Variants in STAC observed in about 807,000 individuals in gnomAD.
STAC encodes the protein SH3 and cysteine-rich domain-containing protein.
STAC carries 43 observed loss-of-function variants against 48.8 expected under a neutral mutation model. The observed-to-expected ratio is 0.88, with a 90% CI of 0.69 to 1.14. The LOEUF (loss-of-function observed/expected upper bound fraction) is 1.14, where lower values mean the gene tolerates loss of function less well. STAC is among the 50% of genes most tolerant of loss of function. The probability of loss-of-function intolerance (pLI) is 0.00; values close to 1 mark genes in which losing one functional copy is unlikely to be tolerated. For synonymous variants in STAC, 193 were observed against 179.5 expected, an observed-to-expected ratio of 1.07 and a Z score of -0.60; for missense variants, 497 against 504.0, an observed-to-expected ratio of 0.99 and a Z score of 0.13.
chr3:36,434,576 T>G (rs779871334), intron 1 of STAC, among the ~76,000 whole-genome samples: 1 of 152,226 alleles, frequency 6.6e-6, no homozygotes, highest in Non-Finnish European at 1.5e-5. Context: ...TATGGTTAAA[T>G]GTCAACGGGC....
chr3:36,420,902 G>A (rs909068307), intron 1 of STAC, among the ~76,000 whole-genome samples: 1 of 152,090 alleles, frequency 6.6e-6, no homozygotes, highest in African/African-American at 2.4e-5. Flanking sequence ...ATTATTCCAA[G>A]CACAAGTATT....
chr3:36,468,704 A>G (rs1697242245), intron 2 of STAC, among the ~76,000 whole-genome samples: 1 of 147,646 alleles, frequency 6.8e-6, no homozygotes, highest in Non-Finnish European at 1.5e-5. Flanking sequence ...TTTTATCATT[A>G]TATATATAAA....
At chr3:36,538,750 A>G (rs1699256369) in intron 10 of STAC, among the ~76,000 whole-genome samples, 1 of 152,206 alleles carries the variant, frequency 6.6e-6, no homozygotes, top group African/African-American at 2.4e-5. Flanking sequence ...ATGGTTAAAG[A>G]GGCTTACATT....
In STAC at chr3:36,398,320, C is replaced by CAAGAAAGAAAGAAAGCAAGA. The variant is rs1699898808; in HGVS notation, c.111+17581_111+17582insCAAGAAAGAAAGAAAGAAAG. The stretch of plus-strand genomic sequence containing the variant: ...AAAAGAAAGAAAGAAAGAAAGAAAG[C>CAAGAAAGAAAGAAAGCAAGA]AAGAAAGAAAGAAAGAAAGAAAGAA... On this transcript the variant is annotated intron_variant, in intron 1 of 10. Transcript: ENST00000273183. Among the ~76,000 whole-genome samples the CAAGAAAGAAAGAAAGCAAGA allele has an allele frequency of 1.6e-3, 129 of 82,222 alleles. 2 individuals are homozygous for CAAGAAAGAAAGAAAGCAAGA. The highest frequency in any genetic ancestry group is 5.9e-3 in the African/African-American group (124 of 20,974). 53.9% of individuals were successfully genotyped at this position (82,222 alleles called of 152,430 possible).
At position 36,545,520 on chromosome 3, in the gene STAC, CACA is replaced by C. The variant is rs1419597935; in HGVS notation, c.1111-666_1111-664del. Among the ~76,000 whole-genome samples the C allele has an allele frequency of 3.3e-5, 5 of 152,226 alleles. No homozygotes were observed. The South Asian group carries it at 1.0e-3, about 31-fold the overall frequency. Reference sequence around the variant, plus strand: ...CAGGTGAGGCAAGAGAAACTCACAACACAACAATAGTTCTGTTCATAAACCTCT... The same window carrying C: ...CAGGTGAGGCAAGAGAAACTCACAACACAATAGTTCTGTTCATAAACCTCT... On this transcript the variant is annotated intron_variant, in intron 10 of 10. Coordinates refer to ENST00000273183, the MANE Select transcript of STAC (RefSeq NM_003149.3).
intron 2 of STAC, among the ~76,000 whole-genome samples, chr3:36,481,538 G>C (rs1050960786): frequency 1.3e-5 from 2 of 152,014 alleles, no homozygotes; most frequent in Non-Finnish European, 2.9e-5. Flanking sequence ...TGTACAGTGG[G>C]GTATCTTGAC....
At chr3:36,474,716 TA>T (rs1336278980) in intron 2 of STAC, among the ~76,000 whole-genome samples, 8 of 152,242 alleles carry the variant, frequency 5.3e-5, no homozygotes, top group South Asian at 2.1e-4. Flanking sequence ...CAGTGAATTA[TA>T]TACCCATCCC....
At chr3:36,416,885 C>A (rs1700331949) in intron 1 of STAC, among the ~76,000 whole-genome samples, 1 of 152,180 alleles carries the variant, frequency 6.6e-6, no homozygotes, top group Non-Finnish European at 1.5e-5. Context: ...CACCAAAGAG[C>A]AGGCTTCCTC....
chr3:36,482,893 G>C, intron 2 of STAC, 99 bp from the exon 3 acceptor site: 1 of 747,332 alleles, frequency 1.3e-6, no homozygotes, highest in Non-Finnish European at 2.2e-6. Flanking sequence ...AAAGTTGTAG[G>C]AAAGAATTAC....
chr3:36,520,571 G>A (rs925363708), intron 8 of STAC, among the ~76,000 whole-genome samples: 7 of 152,144 alleles, frequency 4.6e-5, no homozygotes, highest in Admixed American at 2.0e-4. Context: ...TATTCTCTAA[G>A]TACATTACTG....
chr3:36,406,440 G>A (rs115099887), intron 1 of STAC, among the ~76,000 whole-genome samples: 101 of 152,316 alleles, frequency 6.6e-4, no homozygotes, highest in African/African-American at 2.4e-3. Flanking sequence ...TCTACCAGCT[G>A]TGCCTCCAAG....
In STAC at chr3:36,546,622, G is replaced by T. The variant is rs1352403338; in HGVS notation, c.*333G>T. The T allele has an allele frequency of 2.8e-6, 1 of 361,490 alleles. No homozygotes were observed. The highest frequency in any genetic ancestry group is 5.1e-6 in the Non-Finnish European group (1 of 195,148). The allele number at this position is 361,490 out of a possible 1,614,324, so 22.4% of individuals were successfully genotyped here. ...TCTGTGTGGTGTAAGTTAACACACT[G>T]GAGTGTGCTCCAGTTTGCAGGGTAG... is the stretch of plus-strand genomic sequence containing the variant. On this transcript the variant is annotated 3_prime_UTR_variant, in exon 11 of 11. Coordinates refer to ENST00000273183, the MANE Select transcript of STAC (RefSeq NM_003149.3).
intron 1 of STAC, among the ~76,000 whole-genome samples, chr3:36,430,741 G>A (rs1342677026): frequency 6.6e-6 from 1 of 152,164 alleles, no homozygotes; most frequent in East Asian, 1.9e-4. Flanking sequence ...AGAAGTCCAA[G>A]ATCAAGGTAT....
intron 8 of STAC, among the ~76,000 whole-genome samples, chr3:36,511,883 A>C (rs1698550535): frequency 6.6e-6 from 1 of 152,186 alleles, no homozygotes; most frequent in Non-Finnish European, 1.5e-5. Context: ...CCCAGGCTCC[A>C]TATGCTATCA....
chr3:36,389,719 A>G (rs1699709493), intron 1 of STAC, among the ~76,000 whole-genome samples: 1 of 152,174 alleles, frequency 6.6e-6, no homozygotes, highest in Non-Finnish European at 1.5e-5. Flanking sequence ...GGGCACAGAC[A>G]CAGCCATGTT....
chr3:36,531,286 G>T (rs1215464784), intron 10 of STAC, among the ~76,000 whole-genome samples: 1 of 151,742 alleles, frequency 6.6e-6, no homozygotes, highest in Non-Finnish European at 1.5e-5. Context: ...CAAAAAGACA[G>T]TCATCAGAGT....
intron 1 of STAC, among the ~76,000 whole-genome samples, chr3:36,411,421 G>C (rs1700192139): frequency 6.6e-6 from 1 of 152,084 alleles, no homozygotes; most frequent in African/African-American, 2.4e-5. Context: ...CCCTCTCCTA[G>C]TCTGCTCCAG....
chr3:36,440,017 T>C (rs1238556851), intron 1 of STAC, among the ~76,000 whole-genome samples: 1 of 152,238 alleles, frequency 6.6e-6, no homozygotes, highest in Non-Finnish European at 1.5e-5. Flanking sequence ...GACAAAAGTC[T>C]TAGCTGGCTC....
At chr3:36,498,708 A>C (rs993223711) in intron 6 of STAC, among the ~76,000 whole-genome samples, 1 of 152,110 alleles carries the variant, frequency 6.6e-6, no homozygotes, top group Non-Finnish European at 1.5e-5. Flanking sequence ...AGCCATGATT[A>C]TGCCACTGTA....
Sources: gnomAD v4.1 joint callset for allele counts (sites outside exome capture counted in the v4.1 genomes callset) on GRCh38, gnomAD v4.1.1 for gene constraint, MANE v1.5 for transcripts, NCBI Gene and HGNC (gene_info 2026-07-23, HGNC 2026-07-21) for gene names.